TDRD10: variants seen among roughly 807,000 people sequenced by gnomAD.
TDRD10 encodes tudor domain-containing protein 10.
TDRD10 carries 40 observed loss-of-function variants against 48.0 expected under a neutral mutation model. That is an observed-to-expected ratio of 0.83 (90% CI 0.65 to 1.09). The LOEUF is 1.09. Among genes scored for constraint, TDRD10 ranks in the 50% least tolerant of loss-of-function variants. The probability of loss-of-function intolerance (pLI) is 0.00; values close to 1 mark genes in which losing one functional copy is unlikely to be tolerated. For synonymous variants in TDRD10, 162 were observed against 170.4 expected (o/e 0.95, Z 0.38); for missense variants, 378 against 434.7 (o/e 0.87, Z 1.16).
At chr1:154,515,137 G>A (rs1041617011) in intron 4 of TDRD10, among the ~76,000 whole-genome samples, 26 of 151,964 alleles carry the variant, frequency 1.7e-4, no homozygotes, top group African/African-American at 6.0e-4. Flanking sequence ...CAGAGTGCTG[G>A]GATTATAGGA....
In TDRD10 at chr1:154,506,815, G is replaced by A. The variant is rs116323271; in HGVS notation, c.-27-62G>A. On this transcript the variant is annotated intron_variant, in intron 1 of 12. Coordinates refer to ENST00000368482, the MANE Select transcript of TDRD10 (RefSeq NM_182499.4). ...ATTCTGCTTACCACAGTACCTATTC[G>A]GTGGTTATATGATGGTGAACTATCC... is the stretch of plus-strand genomic sequence containing the variant. The A allele has an allele frequency of 2.3e-3, 3,328 of 1,423,646 alleles. 60 individuals carry two copies. In the African/African-American group the frequency reaches 0.04, roughly 17 times the overall value. The allele number at this position is 1,423,646 out of a possible 1,614,324, so 88.2% of individuals were successfully genotyped here. A position where few individuals can be genotyped will look rare whatever the true frequency, so the allele number is the denominator to read the frequency against.
At chr1:154,511,769 A>C (rs971010719) in intron 4 of TDRD10, among the ~76,000 whole-genome samples, 1 of 152,092 alleles carries the variant, frequency 6.6e-6, no homozygotes, top group Non-Finnish European at 1.5e-5. Flanking sequence ...AATCACTTCA[A>C]CCCGGGAGCT....
At chr1:154,512,716 T>A (rs1693550675) in intron 4 of TDRD10, among the ~76,000 whole-genome samples, 1 of 152,198 alleles carries the variant, frequency 6.6e-6, no homozygotes, top group African/African-American at 2.4e-5. Flanking sequence ...GATTACCCAG[T>A]AGCAGTAACA....
chr1:154,529,621 C>T (rs1440623303), intron 6 of TDRD10, among the ~76,000 whole-genome samples: 1 of 150,940 alleles, frequency 6.6e-6, no homozygotes, highest in East Asian at 1.9e-4. Context: ...TCTCAGCTCA[C>T]TGCAACCTCC....
At position 154,510,448 on chromosome 1, in the gene TDRD10, C is replaced by T. The variant is rs553872587; in HGVS notation, c.141+1967C>T. ...TCTACTAAAAATACAAAAAATTAGACGGGTATGGTGGTGGGCACCTGTAGT... is the reference window on the plus strand; with the variant it reads ...TCTACTAAAAATACAAAAAATTAGATGGGTATGGTGGTGGGCACCTGTAGT... On this transcript the variant is annotated intron_variant, in intron 4 of 12. Coordinates refer to ENST00000368482, the MANE Select transcript of TDRD10 (RefSeq NM_182499.4). Among the ~76,000 whole-genome samples the T allele has an allele frequency of 5.3e-5, 8 of 150,746 alleles. No homozygotes were observed. In the East Asian group the frequency reaches 6.0e-4, roughly 11 times the overall value.
chr1:154,537,253 C>T lies in TDRD10; in HGVS notation c.370-4771C>T, dbSNP rs753363498. 3.9e-5 allele frequency among the ~76,000 whole-genome samples: 6 copies of T among 152,302 alleles called. No individual in the cohort carries two copies. In the East Asian group the frequency reaches 5.8e-4, roughly 15 times the overall value. On this transcript the variant is annotated intron_variant, in intron 6 of 12. Transcript: ENST00000368482. ...TTTGTCTCTTCATCCCTCTTGCTGC[C>T]AGCCAAAGACATTATTCCTCTTTGT...
intron 6 of TDRD10, among the ~76,000 whole-genome samples, chr1:154,538,856 G>GCC (rs1695072757): frequency 1.0e-5 from 1 of 99,896 alleles, no homozygotes; most frequent in Admixed American, 9.3e-5. Flanking sequence ...CCATCTCACG[G>GCC]TGCTTTGTTA....
chr1:154,518,159 G>A (rs73022025), intron 4 of TDRD10, among the ~76,000 whole-genome samples: 4,950 of 152,270 alleles, frequency 0.033, 272 homozygotes, highest in African/African-American at 0.11. Context: ...TGGAAGGGAT[G>A]TGTCTTTAAG....
chr1:154,530,155 C>T (rs1336666518), intron 6 of TDRD10, among the ~76,000 whole-genome samples: 3 of 152,020 alleles, frequency 2.0e-5, no homozygotes, highest in Non-Finnish European at 1.5e-5. Flanking sequence ...GCTGGAATTA[C>T]AGGCACCTAC....
chr1:154,507,221 C>A lies in TDRD10; in HGVS notation c.3-20C>A. ...GAGTCTGAGCTTGGGAGGTTCGATGCTGACACCTGTGTTTGACAGGTCCTG... is the reference window on the plus strand; with the variant it reads ...GAGTCTGAGCTTGGGAGGTTCGATGATGACACCTGTGTTTGACAGGTCCTG... On this transcript the variant is annotated intron_variant, in intron 2 of 12. Coordinates refer to ENST00000368482, the MANE Select transcript of TDRD10 (RefSeq NM_182499.4). 9 of 1,613,870 alleles carry A rather than the reference C, an allele frequency of 5.6e-6. No homozygotes were observed. The highest frequency in any genetic ancestry group is 7.6e-6 in the Non-Finnish European group (9 of 1,180,006).
intron 6 of TDRD10, among the ~76,000 whole-genome samples, chr1:154,539,231 G>A (rs542599823): frequency 1.3e-5 from 2 of 152,312 alleles, no homozygotes; most frequent in East Asian, 3.9e-4. Flanking sequence ...GATTCCTGGT[G>A]TAGAAGAGGA....
chr1:154,514,874 A>ATTTT (rs869213486), intron 4 of TDRD10, among the ~76,000 whole-genome samples: 19 of 150,978 alleles, frequency 1.3e-4, no homozygotes, highest in African/African-American at 4.4e-4. Flanking sequence ...TTATTTATTT[A>ATTTT]TTTTTTTTTT....
intron 4 of TDRD10, among the ~76,000 whole-genome samples, chr1:154,517,045 G>A (rs1215385200): frequency 6.6e-6 from 1 of 152,204 alleles, no homozygotes; most frequent in Non-Finnish European, 1.5e-5. Context: ...GTGGAAAGTG[G>A]TGGAGCCTGA....
At chr1:154,504,830 A>C (rs753487214) in intron 1 of TDRD10, among the ~76,000 whole-genome samples, 5 of 152,134 alleles carry the variant, frequency 3.3e-5, no homozygotes, top group African/African-American at 1.2e-4. Context: ...TCTACTAAAA[A>C]CACAAAAATT....
In TDRD10 at chr1:154,547,431, T is replaced by C; in HGVS notation, c.975T>C (p.Val325=). 6.2e-7 allele frequency: 1 copy of C among 1,614,258 alleles called. No individual in the cohort carries two copies. The highest frequency in any genetic ancestry group is 8.5e-7 in the Non-Finnish European group (1 of 1,180,056). ...LEKDILSSYE[V]VHRILKGKIT... is the part of the protein sequence containing the mutation. ...CAGACATTTTGAGTTCGTATGAGGT[T>C]GTCCATCGAATCCTCAAAGGGAAAA... Residue 325 remains valine, a synonymous_variant, in exon 12 of 13, where the codon GTT becomes GTC. Coordinates refer to ENST00000368482, the MANE Select transcript of TDRD10 (RefSeq NM_182499.4).
chr1:154,514,695 G>T (rs1693657592), intron 4 of TDRD10, among the ~76,000 whole-genome samples: 1 of 151,860 alleles, frequency 6.6e-6, no homozygotes, highest in Non-Finnish European at 1.5e-5. Flanking sequence ...TTGTTTGTTT[G>T]TTTGTTTTTT....
rs752669575 is a variant in TDRD10, at chr1:154,542,823, T to C, written c.503+2T>C. The C allele has an allele frequency of 2.5e-6, 4 of 1,612,784 alleles. No homozygotes were observed. The highest frequency in any genetic ancestry group is 8.5e-7 in the Non-Finnish European group (1 of 1,179,258). On this transcript the variant is annotated splice_donor_variant, in intron 8 of 12. Transcript: ENST00000368482. LOFTEE classifies it high-confidence loss of function. ...CTTTGCAGTCCCGTTGGAAATGAGG[T>C]GAGCAAGGTATAGAAAGACCACCAG...
intron 6 of TDRD10, among the ~76,000 whole-genome samples, chr1:154,527,612 GA>G (rs1238430460): frequency 3.9e-5 from 6 of 152,086 alleles, no homozygotes; most frequent in Non-Finnish European, 7.4e-5. Context: ...ATCTCAGATA[GA>G]ATGAGATTTG....
chr1:154,520,034 C>T (rs1027609214), intron 4 of TDRD10, among the ~76,000 whole-genome samples: 3 of 152,188 alleles, frequency 2.0e-5, no homozygotes, highest in Non-Finnish European at 4.4e-5. Flanking sequence ...AGGCCGTGTG[C>T]GCCCATAGCC....
Sources: allele counts gnomAD v4.1 joint callset (sites outside exome capture counted in the v4.1 genomes callset), GRCh38; gene constraint gnomAD v4.1.1; transcripts MANE v1.5; gene names NCBI Gene and HGNC (gene_info 2026-07-23, HGNC 2026-07-21).